Variants in DAB1 observed in about 807,000 individuals in gnomAD.
DAB1 encodes the protein DAB adaptor protein 1, also known as disabled homolog 1.
Under a neutral mutation model 64.6 loss-of-function variants are expected in DAB1, and 15 were observed. The ratio of observed to expected loss-of-function variants is 0.23; its 90% CI spans 0.16 to 0.36. The LOEUF is 0.36. Ranked by LOEUF, DAB1 falls within the 10% of genes least tolerant of loss-of-function variation. The pLI, the probability that DAB1 is intolerant of heterozygous loss-of-function variation, is 1.00. For missense variants in DAB1, 596 were observed against 706.7 expected, an observed-to-expected ratio of 0.84 and a Z score of 1.78; for synonymous variants, 235 against 251.9, an observed-to-expected ratio of 0.93 and a Z score of 0.64.
At chr1:57,602,039 G>A (rs7514497) in intron 7 of DAB1, among the ~76,000 whole-genome samples, 1 of 152,184 alleles carries the variant, frequency 6.6e-6, no homozygotes, top group African/African-American at 2.4e-5. Flanking sequence ...TAGCTTTATA[G>A]CTGTGTAATT....
At position 57,915,039 on chromosome 1, in the gene DAB1, C is replaced by T. The variant is rs192458311; in HGVS notation, n.388-30877G>A. Among the ~76,000 whole-genome samples the T allele has an allele frequency of 4.5e-4, 67 of 150,344 alleles. No individual in the cohort carries two copies. In the Middle Eastern group the frequency reaches 0.01, roughly 23 times the overall value. ...AATAAAACCAATCAACCAAATAAGC[C>T]GAAGCGAGGGCAATTATAGAACTAA... On this transcript the variant is annotated intron_variant and non_coding_transcript_variant, in intron 5 of 20. Coordinates refer to the DAB1 transcript ENST00000485760.
intron 5 of DAB1, among the ~76,000 whole-genome samples, chr1:58,113,108 G>A (rs373296267): frequency 6.6e-6 from 1 of 152,182 alleles, no homozygotes; most frequent in Non-Finnish European, 1.5e-5. Flanking sequence ...GCAGAAGGGT[G>A]AGGGCTGCAA....
intron 4 of DAB1, among the ~76,000 whole-genome samples, chr1:57,086,013 C>T (rs1653038960): frequency 6.6e-6 from 1 of 152,026 alleles, no homozygotes; most frequent in Non-Finnish European, 1.5e-5. Flanking sequence ...GTTATATAGG[C>T]AACTGCAATC....
rs1653608193 is a variant in DAB1, at chr1:58,131,820, G to T, written n.387+18691C>A. On this transcript the variant is annotated intron_variant and non_coding_transcript_variant, in intron 5 of 20. Transcript: ENST00000485760. ...TGAGGAGGCAGTCTGCCCGTTCTCA[G>T]ATCTCCAGCTGCTTGCTGGGAGAAC... Among the ~76,000 whole-genome samples, 4 of 150,128 alleles carry T rather than the reference G, an allele frequency of 2.7e-5. No individual in the cohort carries two copies. The South Asian group carries it at 8.7e-4, about 33-fold the overall frequency.
intron 3 of DAB1, among the ~76,000 whole-genome samples, chr1:58,351,823 G>A (rs940532175): frequency 6.8e-6 from 1 of 147,504 alleles, no homozygotes; most frequent in Non-Finnish European, 1.5e-5. Context: ...GTGTGGAGAG[G>A]AGGCAGCTGT....
chr1:58,531,518 T>C (rs1293197742), intron 1 of DAB1, among the ~76,000 whole-genome samples: 2 of 152,220 alleles, frequency 1.3e-5, no homozygotes, highest in Non-Finnish European at 2.9e-5. Context: ...TAAATGTTAA[T>C]GTTGTAATGC....
intron 5 of DAB1, among the ~76,000 whole-genome samples, chr1:57,949,868 G>T (rs1645245768): frequency 6.6e-6 from 1 of 152,128 alleles, no homozygotes; most frequent in African/African-American, 2.4e-5. Flanking sequence ...TAACTTTCAG[G>T]CACTGGGGTT....
chr1:57,574,036 A>G (rs1459286391), intron 7 of DAB1, among the ~76,000 whole-genome samples: 5 of 152,228 alleles, frequency 3.3e-5, no homozygotes, highest in Non-Finnish European at 7.3e-5. Flanking sequence ...TGGTTCTTAG[A>G]GAAGAATGAT....
chr1:58,148,637 C>T (rs1400846853), intron 5 of DAB1, among the ~76,000 whole-genome samples: 3 of 152,152 alleles, frequency 2.0e-5, no homozygotes, highest in Non-Finnish European at 4.4e-5. Flanking sequence ...GTCTCACAAT[C>T]ATGGCAGAAG....
chr1:58,296,261 G>GAAAGAAAC (rs1553173621), intron 4 of DAB1, among the ~76,000 whole-genome samples: 1 of 140,284 alleles, frequency 7.1e-6, no homozygotes, highest in African/African-American at 2.7e-5. Context: ...AAGAAAGAAA[G>GAAAGAAAC]AAAAGTGAGG....
At chr1:57,328,497 A>G (rs555174899) in intron 1 of DAB1, among the ~76,000 whole-genome samples, 11 of 152,330 alleles carry the variant, frequency 7.2e-5, no homozygotes, top group African/African-American at 2.6e-4. Flanking sequence ...CACCCCACAC[A>G]TACGCACTGT....
chr1:58,383,040 T>C (rs559686633), intron 3 of DAB1, among the ~76,000 whole-genome samples: 61 of 152,286 alleles, frequency 4.0e-4, no homozygotes, highest in African/African-American at 1.4e-3. Flanking sequence ...AAGGGACACG[T>C]AGCAAAGAGT....
chr1:57,151,264 T>C (rs1392277869), intron 2 of DAB1, among the ~76,000 whole-genome samples: 1 of 152,144 alleles, frequency 6.6e-6, no homozygotes, highest in Non-Finnish European at 1.5e-5. Flanking sequence ...TATAAGGCTG[T>C]AATTAATTGA....
chr1:57,666,386 A>C (rs1646447696), intron 6 of DAB1, among the ~76,000 whole-genome samples: 1 of 152,188 alleles, frequency 6.6e-6, no homozygotes, highest in South Asian at 2.1e-4. Context: ...TTGGGGCCAA[A>C]TGGATGGGGC....
At chr1:57,756,830 A>C (rs1340559703) in intron 6 of DAB1, among the ~76,000 whole-genome samples, 1 of 147,236 alleles carries the variant, frequency 6.8e-6, no homozygotes, top group Admixed American at 7.1e-5. Context: ...CAAACCCTGT[A>C]ATCTTTTTAA....
chr1:58,446,473 G>T (rs996958997), intron 3 of DAB1, among the ~76,000 whole-genome samples: 2 of 152,150 alleles, frequency 1.3e-5, no homozygotes, highest in Non-Finnish European at 2.9e-5. Flanking sequence ...GACAAAGCCA[G>T]TTGATTTATT....
At chr1:58,407,518 C>T (rs1037809939) in intron 3 of DAB1, among the ~76,000 whole-genome samples, 1 of 152,166 alleles carries the variant, frequency 6.6e-6, no homozygotes, top group Non-Finnish European at 1.5e-5. Context: ...TCGGGTGTCA[C>T]ACCTGGAAGG....
At chr1:58,139,250 A>G (rs1654141928) in intron 5 of DAB1, among the ~76,000 whole-genome samples, 1 of 152,114 alleles carries the variant, frequency 6.6e-6, no homozygotes, top group Admixed American at 6.6e-5. Context: ...GGCCAATGTG[A>G]TCAAAATACA....
At chr1:58,071,048 T>C (rs1016244927) in intron 5 of DAB1, among the ~76,000 whole-genome samples, 1 of 152,008 alleles carries the variant, frequency 6.6e-6, no homozygotes, top group Non-Finnish European at 1.5e-5. Flanking sequence ...GGAATGGCTA[T>C]GAGAGGATGT....
Sources: gnomAD v4.1 joint callset for allele counts (sites outside exome capture counted in the v4.1 genomes callset) on GRCh38, gnomAD v4.1.1 for gene constraint, MANE v1.5 for transcripts, NCBI Gene and HGNC (gene_info 2026-07-23, HGNC 2026-07-21) for gene names.